The following ACAT1 variants were observed in gnomAD, a reference collection of about 807,000 sequenced individuals.
ACAT1 encodes the protein acetyl-CoA acetyltransferase, mitochondrial.
In ACAT1, 28 loss-of-function variants were observed where a neutral mutation model predicts 47.3. The ratio of observed to expected loss-of-function variants is 0.59; its 90% CI spans 0.44 to 0.81. The LOEUF is 0.81. ACAT1 is among the 30% of genes least tolerant of loss of function. The pLI, the probability that ACAT1 is intolerant of heterozygous loss-of-function variation, is 0.00. For missense variants in ACAT1, 469 were observed against 524.3 expected (o/e 0.89, Z 1.03); for synonymous variants, 181 against 173.6 (o/e 1.04, Z -0.34).
chr11:108,136,112 G>A, intron 5 of ACAT1: 1 of 701,076 alleles, frequency 1.4e-6, no homozygotes, highest in Non-Finnish European at 2.6e-6. Flanking sequence ...ATGCTGTCAT[G>A]TCAGGAGGTG....
chr11:108,132,791 T>C (rs2077386992), intron 2 of ACAT1, among the ~76,000 whole-genome samples: 1 of 136,794 alleles, frequency 7.3e-6, no homozygotes, highest in Non-Finnish European at 1.5e-5. Context: ...GAGGCGGAGC[T>C]TGCAGTGAGT....
chr11:108,138,702 A>G (rs903170504), intron 5 of ACAT1, 196 bp from the exon 6 acceptor site: 1 of 656,258 alleles, frequency 1.5e-6, no homozygotes, highest in African/African-American at 1.8e-5. Context: ...CAGCCAACTT[A>G]TTTCTCATTA....
rs5794588 is a variant in ACAT1 at position 108,143,957 on chromosome 11, A to AC, written c.941-14dup. On this transcript the variant is annotated intron_variant, in intron 9 of 11. Coordinates refer to ENST00000265838, the MANE Select transcript of ACAT1 (RefSeq NM_000019.4). The stretch of plus-strand genomic sequence containing the variant: ...CAGTAAAAAAAAAAAGATTTTAACA[A>AC]CCCCCCCCCCCCTTTTTTTAAACAG... 16,895 of 873,632 alleles carry AC rather than the reference A, an allele frequency of 0.019. 471 individuals carry two copies. The highest frequency in any genetic ancestry group is 0.12 in the African/African-American group (5,402 of 45,756). 54.1% of individuals were successfully genotyped at this position (873,632 alleles called of 1,614,324 possible). A position where few individuals can be genotyped will look rare whatever the true frequency, so the allele number is the denominator to read the frequency against.
At chr11:108,132,853 C>CAAAAA (rs57501370) in intron 2 of ACAT1, among the ~76,000 whole-genome samples, 81 of 47,894 alleles carry the variant, frequency 1.7e-3, no homozygotes, top group Non-Finnish European at 2.1e-3. Flanking sequence ...AACTCCATCT[C>CAAAAA]AAAAAAAAAA....
intron 7 of ACAT1, among the ~76,000 whole-genome samples, chr11:108,141,361 C>T (rs942241982): frequency 6.6e-5 from 7 of 105,714 alleles, no homozygotes; most frequent in Middle Eastern, 9.3e-3. Context: ...GAGAGGGAAA[C>T]CCTGCCTCAA....
At chr11:108,146,143 T>A (rs774205360) in intron 10 of ACAT1, 59 bp from the exon 11 acceptor site, 4 of 1,366,766 alleles carry the variant, frequency 2.9e-6, no homozygotes, top group Non-Finnish European at 4.2e-6. Flanking sequence ...AAGGAAATGA[T>A]GACAGTAAGT....
At chr11:108,125,094 T>C (rs1033981649) in intron 1 of ACAT1, among the ~76,000 whole-genome samples, 2 of 152,188 alleles carry the variant, frequency 1.3e-5, no homozygotes, top group African/African-American at 4.8e-5. Flanking sequence ...ATCACTGGGA[T>C]AGAAAATAAA....
In ACAT1 at chr11:108,141,489, T is replaced by C. The variant is rs905197066; in HGVS notation, c.731-116T>C. On this transcript the variant is annotated intron_variant, in intron 7 of 11. Transcript: ENST00000265838. ...CTAGATGAGTGTTTACTTGGGATGG[T>C]TTAAGTGAAGCAGGGATACAAAGGG... is the stretch of plus-strand genomic sequence containing the variant. 10 of 728,992 alleles carry C rather than the reference T, an allele frequency of 1.4e-5. No individual in the cohort carries two copies. In the African/African-American group the frequency reaches 1.8e-4, roughly 13 times the overall value. 45.2% of individuals were successfully genotyped at this position (728,992 alleles called of 1,614,324 possible).
chr11:108,142,687 A>C, intron 9 of ACAT1, 137 bp downstream of exon 9: 1 of 705,168 alleles, frequency 1.4e-6, no homozygotes. Context: ...AAGTTAAAAA[A>C]TTAGCTGAGC....
chr11:108,144,232 TAAAG>T (rs2077653861), intron 10 of ACAT1, 185 bp downstream of exon 10: 5 of 629,604 alleles, frequency 7.9e-6, no homozygotes, highest in Non-Finnish European at 1.4e-5. Flanking sequence ...AAAAAAAAAA[TAAAG>T]AACAGCTCAC....
chr11:108,130,635 AC>A (rs1273988395), intron 1 of ACAT1, among the ~76,000 whole-genome samples: 2 of 151,468 alleles, frequency 1.3e-5, no homozygotes, highest in African/African-American at 4.9e-5. Context: ...CTCATGATCC[AC>A]CCGCCTCGGC....
chr11:108,125,747 G>A (rs1239747319), intron 1 of ACAT1, among the ~76,000 whole-genome samples: 1 of 151,990 alleles, frequency 6.6e-6, no homozygotes, highest in African/African-American at 2.4e-5. Flanking sequence ...CTAACAAGGT[G>A]AAACCCTGTC....
intron 1 of ACAT1, among the ~76,000 whole-genome samples, chr11:108,131,032 C>T (rs2077347599): frequency 2.6e-5 from 4 of 152,312 alleles, no homozygotes; most frequent in East Asian, 1.9e-4. Context: ...GGATTACAGG[C>T]GTGAGCCACT....
At position 108,146,200 on chromosome 11, in the gene ACAT1, A is replaced by C. The variant is rs145229472; in HGVS notation, c.1006-2A>C. Reference sequence around the variant, plus strand: ...CATCATCTGTCTTTTAAAAAATTTAAGGTTCTTAAAGATGTGGGATTGAAA... The same window carrying C: ...CATCATCTGTCTTTTAAAAAATTTACGGTTCTTAAAGATGTGGGATTGAAA... On this transcript the variant is annotated splice_acceptor_variant, in intron 10 of 11. Coordinates refer to ENST00000265838, the MANE Select transcript of ACAT1 (RefSeq NM_000019.4). LOFTEE classifies it high-confidence loss of function. The C allele has an allele frequency of 2.6e-5, 41 of 1,607,290 alleles. No homozygotes were observed. Among genetic ancestry groups the C allele is most frequent in the African/African-American group, 4.0e-5 (3 of 74,760 alleles).
chr11:108,145,851 C>T (rs1219942942), intron 10 of ACAT1, among the ~76,000 whole-genome samples: 1 of 152,096 alleles, frequency 6.6e-6, no homozygotes, highest in African/African-American at 2.4e-5. Flanking sequence ...TTGAGACCAG[C>T]CTGGCCAAAC....
At chr11:108,121,735 C>T in intron 1 of ACAT1, 57 bp downstream of exon 1, 5 of 1,527,956 alleles carry the variant, frequency 3.3e-6, no homozygotes, top group Non-Finnish European at 4.4e-6. Flanking sequence ...GTCCCCGCCT[C>T]GGAAGCTTCC....
intron 5 of ACAT1, among the ~76,000 whole-genome samples, chr11:108,137,575 G>A (rs7926222): frequency 0.37 from 56,251 of 151,956 alleles, 10,877 homozygotes; most frequent in Non-Finnish European, 0.41. Flanking sequence ...TTATTTTCAT[G>A]AACTGAGATT....
chr11:108,126,791 CTTTTTTT>C (rs766192283), intron 1 of ACAT1, among the ~76,000 whole-genome samples: 29 of 114,570 alleles, frequency 2.5e-4, no homozygotes, highest in African/African-American at 8.5e-4. Flanking sequence ...AACAGGTTTT[CTTTTTTT>C]TTTTTTTTTT....
In ACAT1 at chr11:108,142,468, G is replaced by A. The variant is rs143892373; in HGVS notation, c.858G>A (p.Leu286=). The A allele has an allele frequency of 2.0e-4, 318 of 1,614,144 alleles. 3 individuals carry two copies. Among genetic ancestry groups the A allele is most frequent in the South Asian group, 8.3e-4 (76 of 91,078 alleles). Reference sequence around the variant, plus strand: ...TAACAGCTGCCAATGCCAGTACACTGAATGATGGAGCAGCTGCTCTGGTTC... The same window carrying A: ...TAACAGCTGCCAATGCCAGTACACTAAATGATGGAGCAGCTGCTCTGGTTC... ...GTVTAANAST[L]NDGAAALVLM... The change falls in exon 9 of 12, where the codon CTG becomes CTA. Residue 286 remains leucine, a synonymous_variant. Coordinates refer to ENST00000265838, the MANE Select transcript of ACAT1 (RefSeq NM_000019.4).
Sources: allele counts gnomAD v4.1 joint callset (sites outside exome capture counted in the v4.1 genomes callset), GRCh38; gene constraint gnomAD v4.1.1; transcripts MANE v1.5; gene names NCBI Gene and HGNC (gene_info 2026-07-23, HGNC 2026-07-21).